The following CCN6 variants were observed in gnomAD, a reference collection of about 807,000 sequenced individuals.
The protein encoded by CCN6 is CCN family member 6.
A neutral mutation model predicts 37.4 loss-of-function variants in CCN6; 31 were observed. The observed-to-expected ratio is 0.83, with a 90% CI of 0.62 to 1.12. CCN6 has a LOEUF of 1.12. Ranked by LOEUF, CCN6 falls within the 50% of genes most tolerant of loss-of-function variation. CCN6 has a pLI of 0.00. For missense variants in CCN6, 369 were observed against 413.8 expected, an observed-to-expected ratio of 0.89 and a Z score of 0.94; for synonymous variants, 137 against 142.1, an observed-to-expected ratio of 0.96 and a Z score of 0.26.
intron 2 of CCN6, among the ~76,000 whole-genome samples, chr6:112,061,826 T>C (rs1452423927): frequency 6.6e-6 from 1 of 152,202 alleles, no homozygotes; most frequent in Non-Finnish European, 1.5e-5. Flanking sequence ...CTTATGTGAC[T>C]AAGTTCTGGA....
At chr6:112,062,328 T>A (rs1776550869) in intron 2 of CCN6, among the ~76,000 whole-genome samples, 1 of 152,158 alleles carries the variant, frequency 6.6e-6, no homozygotes. Context: ...AATGAAAACA[T>A]GACCTATCAA....
intron 1 of CCN6, among the ~76,000 whole-genome samples, chr6:112,057,477 GACAATACA>G (rs1215821484): frequency 6.6e-6 from 1 of 152,190 alleles, no homozygotes; most frequent in Admixed American, 6.5e-5. Flanking sequence ...GGAAGACGAG[GACAATACA>G]ATACATAGGA....
chr6:112,062,579 G>A (rs943754930), intron 2 of CCN6, among the ~76,000 whole-genome samples: 7 of 152,240 alleles, frequency 4.6e-5, no homozygotes, highest in African/African-American at 1.7e-4. Flanking sequence ...ATAGCCACGA[G>A]GATAGGAATG....
intron 4 of CCN6, 77 bp from the exon 5 acceptor site, chr6:112,069,262 C>T: frequency 6.7e-7 from 1 of 1,498,960 alleles, no homozygotes; most frequent in East Asian, 2.4e-5. Flanking sequence ...CAGATTTGTA[C>T]TATAAACTAT....
chr6:112,065,585 C>T (rs986082922), intron 3 of CCN6, among the ~76,000 whole-genome samples: 89 of 108,212 alleles, frequency 8.2e-4, no homozygotes, highest in African/African-American at 3.0e-3. Context: ...CAAACACACA[C>T]ACGCACACAC....
At chr6:112,067,978 A>G (rs781862955) in intron 3 of CCN6, among the ~76,000 whole-genome samples, 19 of 152,226 alleles carry the variant, frequency 1.2e-4, no homozygotes, top group African/African-American at 4.6e-4. Flanking sequence ...AAGATAAAGT[A>G]TTTTTATTCC....
chr6:112,061,240 T>A lies in CCN6; in HGVS notation c.298T>A (p.Cys100Ser). ...DLCDPHKGLY[C>S]DYSVDRPRYE... ...CTGTGACCCACACAAAGGGCTGTAT[T>A]GTGACTACTCAGTAGACAGGCCTAG... The change falls in exon 2 of 5, where the codon TGT (cysteine) becomes AGT (serine). Residue 100 changes from cysteine (C) to serine (S), a missense_variant. By Grantham distance (112) the Cys-to-Ser change is moderately radical (BLOSUM62 -1). Coordinates refer to ENST00000368666, the MANE Select transcript of CCN6 (RefSeq NM_198239.2). The A allele has an allele frequency of 6.2e-7, 1 of 1,614,206 alleles. No individual in the cohort carries two copies. The highest frequency in any genetic ancestry group is 1.1e-5 in the South Asian group (1 of 91,088).
intron 3 of CCN6, chr6:112,067,075 A>G (rs1171051709): frequency 2.8e-5 from 37 of 1,326,778 alleles, no homozygotes; most frequent in Non-Finnish European, 3.5e-5. Context: ...TCTATGTGCA[A>G]TTGCAAGAGA....
At chr6:112,066,868 C>A in intron 3 of CCN6, 1 of 943,544 alleles carries the variant, frequency 1.1e-6, no homozygotes, top group South Asian at 1.5e-5. Context: ...TTCTAGTTTT[C>A]TTGCTTTTTA....
rs782628679 is a variant in CCN6 at position 112,061,129 on chromosome 6, C to T, written c.187C>T (p.Pro63Ser). 11 of 1,614,156 alleles carry T rather than the reference C, an allele frequency of 6.8e-6. No individual in the cohort carries two copies. The South Asian group carries it at 7.7e-5, about 11-fold the overall frequency. ...KCPQQKPRCP[P>S]GVSLVRDGCG... ...CCCTCAGCAGAAGCCCCGTTGCCCT[C>T]CTGGAGTGAGCCTGGTGAGAGATGG... The change falls in exon 2 of 5, where the codon CCT becomes TCT. Residue 63 changes from proline (P) to serine (S), a missense_variant. By Grantham distance (74) the Pro-to-Ser change is moderately conservative. Coordinates refer to ENST00000368666, the MANE Select transcript of CCN6 (RefSeq NM_198239.2).
At chr6:112,062,898 G>C (rs55829096) in intron 2 of CCN6, among the ~76,000 whole-genome samples, 403 of 152,158 alleles carry the variant, frequency 2.6e-3, no homozygotes, top group Non-Finnish European at 4.2e-3. Flanking sequence ...AAATTAATGA[G>C]GACCTAAAGA....
rs371208376 is a variant in CCN6, at chr6:112,068,676, A to G, written c.783+278A>G. On this transcript the variant is annotated intron_variant, in intron 4 of 4. Transcript: ENST00000368666. ...ATAATTATGAAAACAGATATTATGA[A>G]CATCAGAGTAGAGAAGTCCTGATCT... Among the ~76,000 whole-genome samples, 32 of 152,200 alleles carry G rather than the reference A, an allele frequency of 2.1e-4. No individual in the cohort carries two copies. The East Asian group carries it at 3.7e-3, about 17-fold the overall frequency.
At chr6:112,064,293 G>C (rs1285095736) in intron 2 of CCN6, among the ~76,000 whole-genome samples, 8 of 152,196 alleles carry the variant, frequency 5.3e-5, no homozygotes, top group Non-Finnish European at 1.0e-4. Flanking sequence ...ATACCCATCA[G>C]AGGAAGGGAA....
chr6:112,069,471 A>C lies in CCN6; in HGVS notation c.916A>C (p.Ile306Leu). Residue 306 changes from isoleucine to leucine, a missense_variant, in exon 5 of 5, where the codon ATC (isoleucine) becomes CTC (leucine). Ile to Leu is a conservative substitution (Grantham distance 5, BLOSUM62 2). Coordinates refer to ENST00000368666, the MANE Select transcript of CCN6 (RefSeq NM_198239.2). ...CGICLDKRCCIPNKSKMITIQ... is the reference protein window; with the variant it reads ...CGICLDKRCCLPNKSKMITIQ... ...AATATGCTTGGATAAGAGATGCTGT[A>C]TCCCTAATAAGTCTAAAATGATTAC... is the stretch of plus-strand genomic sequence containing the variant. The C allele has an allele frequency of 6.2e-7, 1 of 1,613,782 alleles. No individual in the cohort carries two copies. Among genetic ancestry groups the C allele is most frequent in the Non-Finnish European group, 8.5e-7 (1 of 1,179,854 alleles).
chr6:112,068,743 C>T (rs1238278739), intron 4 of CCN6, among the ~76,000 whole-genome samples: 1 of 152,076 alleles, frequency 6.6e-6, no homozygotes, highest in African/African-American at 2.4e-5. Flanking sequence ...ACACCATTTC[C>T]AAAATGCTCT....
intron 1 of CCN6, among the ~76,000 whole-genome samples, chr6:112,055,463 A>G (rs1776319829): frequency 6.6e-6 from 1 of 152,252 alleles, no homozygotes; most frequent in South Asian, 2.1e-4. Flanking sequence ...AAAGAGCGGT[A>G]AAAATGGATT....
chr6:112,068,112 C>CA, intron 3 of CCN6, 93 bp from the exon 4 acceptor site: 1 of 1,080,512 alleles, frequency 9.3e-7, no homozygotes, highest in Non-Finnish European at 1.3e-6. Context: ...CAAAAATACT[C>CA]AGATTTCTTA....
intron 1 of CCN6, among the ~76,000 whole-genome samples, chr6:112,060,422 T>A (rs1365221389): frequency 6.6e-6 from 1 of 152,164 alleles, no homozygotes; most frequent in Non-Finnish European, 1.5e-5. Flanking sequence ...TGGAATTAGA[T>A]GTAAAATATG....
intron 1 of CCN6, among the ~76,000 whole-genome samples, chr6:112,059,857 A>G (rs587677644): frequency 5.9e-5 from 9 of 152,362 alleles, no homozygotes; most frequent in Admixed American, 3.9e-4. Context: ...TGGTGCAGGT[A>G]TCAGAAAGTA....
Sources: allele counts gnomAD v4.1 joint callset (sites outside exome capture counted in the v4.1 genomes callset), GRCh38; gene constraint gnomAD v4.1.1; transcripts MANE v1.5; gene names NCBI Gene and HGNC (gene_info 2026-07-23, HGNC 2026-07-21).